SLC7A1: variants seen among roughly 807,000 people sequenced by gnomAD.
SLC7A1 encodes solute carrier family 7 member 1.
SLC7A1 carries 10 observed loss-of-function variants against 53.9 expected under a neutral mutation model. The ratio of observed to expected loss-of-function variants is 0.19; its 90% CI spans 0.11 to 0.31. SLC7A1 has a LOEUF of 0.31. Among genes scored for constraint, SLC7A1 ranks in the 10% least tolerant of loss-of-function variants. The pLI is 1.00. For missense variants in SLC7A1, 525 were observed against 827.2 expected, an observed-to-expected ratio of 0.63 and a Z score of 4.48; for synonymous variants, 342 against 338.7, an observed-to-expected ratio of 1.01 and a Z score of -0.11.
chr13:29,574,669 G>A (rs1323571606), intron 1 of SLC7A1, among the ~76,000 whole-genome samples: 5 of 134,676 alleles, frequency 3.7e-5, no homozygotes, highest in Admixed American at 2.5e-4. Flanking sequence ...TTTTTGAGAC[G>A]GAGTCTTGCT....
At position 29,519,567 on chromosome 13, in the gene SLC7A1, C is replaced by A. The variant is rs762567418; in HGVS notation, c.1190-18G>T. On this transcript the variant is annotated intron_variant, in intron 8 of 12. Transcript: ENST00000380752. ...CATCACAGCTGGGAAGAGACAGACA[C>A]CAGGATCTGTGGAGGGCCATCTGCA... 1 of 1,525,722 alleles carries A rather than the reference C, an allele frequency of 6.6e-7. No homozygotes were observed. The allele number at this position is 1,525,722 out of a possible 1,614,324, so 94.5% of individuals were successfully genotyped here. A position where few individuals can be genotyped will look rare whatever the true frequency, so the allele number is the denominator to read the frequency against.
chr13:29,576,293 T>TTAAAAAAAAAAAAA (rs552407983), intron 1 of SLC7A1, among the ~76,000 whole-genome samples: 3 of 124,954 alleles, frequency 2.4e-5, no homozygotes, highest in African/African-American at 1.1e-4. Flanking sequence ...TCCTGTTTTT[T>TTAAAAAAAAAAAAA]AAAAAAAAAA....
At chr13:29,588,963 C>T (rs747035178) in intron 1 of SLC7A1, among the ~76,000 whole-genome samples, 32 of 152,306 alleles carry the variant, frequency 2.1e-4, no homozygotes, top group Middle Eastern at 6.8e-3. Context: ...TGCACCCTAA[C>T]GCCCCCAGCT....
At chr13:29,546,592 A>G (rs1291132507) in intron 2 of SLC7A1, among the ~76,000 whole-genome samples, 1 of 152,198 alleles carries the variant, frequency 6.6e-6, no homozygotes, top group African/African-American at 2.4e-5. Flanking sequence ...TATTCACTCA[A>G]CAAACCTTTA....
intron 4 of SLC7A1, among the ~76,000 whole-genome samples, chr13:29,531,902 G>T (rs569267253): frequency 2.0e-5 from 3 of 152,328 alleles, no homozygotes; most frequent in South Asian, 4.1e-4. Context: ...AAGTACAGAT[G>T]TTAGAAGAGA....
intron 1 of SLC7A1, among the ~76,000 whole-genome samples, chr13:29,560,318 C>T (rs1490130059): frequency 6.6e-6 from 1 of 151,932 alleles, no homozygotes; most frequent in Non-Finnish European, 1.5e-5. Flanking sequence ...GATAACAATG[C>T]CTTCTTCTGA....
intron 1 of SLC7A1, among the ~76,000 whole-genome samples, chr13:29,578,677 AC>A (rs1871513701): frequency 6.6e-6 from 1 of 152,104 alleles, no homozygotes; most frequent in African/African-American, 2.4e-5. Context: ...TCAACCGGGC[AC>A]CCCGGGTAGC....
intron 1 of SLC7A1, among the ~76,000 whole-genome samples, chr13:29,581,674 G>C (rs1871653277): frequency 6.6e-6 from 1 of 152,208 alleles, no homozygotes; most frequent in Admixed American, 6.5e-5. Context: ...CCCAGTGCTA[G>C]CTCTGGCAGC....
chr13:29,530,915 G>A (rs191090560), intron 4 of SLC7A1, among the ~76,000 whole-genome samples: 1 of 152,186 alleles, frequency 6.6e-6, no homozygotes, highest in East Asian at 1.9e-4. Flanking sequence ...CAAGGTTGTG[G>A]GTGCTTCCCA....
chr13:29,570,391 C>G (rs978375784), intron 1 of SLC7A1, among the ~76,000 whole-genome samples: 1 of 152,218 alleles, frequency 6.6e-6, no homozygotes, highest in Non-Finnish European at 1.5e-5. Context: ...GCTGTGTGAA[C>G]TTGAACAAGT....
At position 29,582,212 on chromosome 13, in the gene SLC7A1, C is replaced by CTA. The variant is rs372976910; in HGVS notation, c.-115+13203_-115+13204insTA. On this transcript the variant is annotated intron_variant, in intron 1 of 12. Coordinates refer to ENST00000380752, the MANE Select transcript of SLC7A1 (RefSeq NM_003045.5). ...TAATTATCCCTGATGGCAGTAGTTACTGAGTTCTTCCCTCTCTTCCATGGG... is the reference window on the plus strand; with the variant it reads ...TAATTATCCCTGATGGCAGTAGTTACTATGAGTTCTTCCCTCTCTTCCATGGG... 1.4e-3 allele frequency among the ~76,000 whole-genome samples: 215 copies of CTA among 152,360 alleles called. 1 individual carries two copies. Among genetic ancestry groups the CTA allele is most frequent in the African/African-American group, 5.1e-3 (211 of 41,580 alleles).
chr13:29,544,742 T>A (rs1442970878), intron 2 of SLC7A1, among the ~76,000 whole-genome samples: 1 of 151,804 alleles, frequency 6.6e-6, no homozygotes, highest in Non-Finnish European at 1.5e-5. Flanking sequence ...CTGAATTAGA[T>A]CAACAAATTC....
intron 2 of SLC7A1, among the ~76,000 whole-genome samples, chr13:29,538,606 C>T (rs1468241100): frequency 1.3e-5 from 2 of 152,248 alleles, no homozygotes; most frequent in East Asian, 1.9e-4. Context: ...ACCCCAGGAT[C>T]TGCAGGCTCA....
chr13:29,574,643 CTT>C (rs60597221), intron 1 of SLC7A1, among the ~76,000 whole-genome samples: 42 of 121,858 alleles, frequency 3.4e-4, no homozygotes, highest in Non-Finnish European at 3.0e-4. Flanking sequence ...GCAGCTAATG[CTT>C]TTTTTTTTTT....
chr13:29,526,728 CACA>C (rs2139086655), intron 5 of SLC7A1, among the ~76,000 whole-genome samples: 1 of 152,198 alleles, frequency 6.6e-6, no homozygotes, highest in Admixed American at 6.5e-5. Context: ...GTAAAGCACA[CACA>C]ACAATAAAAG....
chr13:29,592,599 G>A (rs541691535), intron 1 of SLC7A1, among the ~76,000 whole-genome samples: 1 of 152,314 alleles, frequency 6.6e-6, no homozygotes, highest in Non-Finnish European at 1.5e-5. Context: ...GAACCACAGG[G>A]GTGGTTATTT....
In SLC7A1 at chr13:29,514,546, G is replaced by A. The variant is rs9508482; in HGVS notation, c.1824C>T (p.Ser608=). ...GGTCGGCATCCAGGGACGCCTCCTC[G>A]CTGTGCCACAGGCCATAGCCAAAGT... ...IIYFGYGLWH[S]EEASLDADQA... The change falls in exon 13 of 13, where the codon AGC becomes AGT. Residue 608 remains serine (S), a synonymous_variant. Transcript: ENST00000380752. The A allele has an allele frequency of 9.9e-6, 16 of 1,610,916 alleles. No homozygotes were observed. Among genetic ancestry groups the A allele is most frequent in the African/African-American group, 4.0e-5 (3 of 75,050 alleles).
chr13:29,555,594 G>T (rs996571515), intron 1 of SLC7A1, among the ~76,000 whole-genome samples: 1 of 151,328 alleles, frequency 6.6e-6, no homozygotes, highest in African/African-American at 2.4e-5. Context: ...CAGCATCCTG[G>T]TGCCCCACTG....
chr13:29,525,567 G>A (rs1046919486), intron 5 of SLC7A1, among the ~76,000 whole-genome samples: 1 of 152,194 alleles, frequency 6.6e-6, no homozygotes, highest in Non-Finnish European at 1.5e-5. Context: ...AGACAGGATG[G>A]ACCCAACTAC....
Sources: allele counts gnomAD v4.1 joint callset (sites outside exome capture counted in the v4.1 genomes callset), GRCh38; gene constraint gnomAD v4.1.1; transcripts MANE v1.5; gene names NCBI Gene and HGNC (gene_info 2026-07-23, HGNC 2026-07-21).